Variants in MAGI2 observed in about 807,000 individuals in gnomAD.
MAGI2 encodes the protein membrane associated guanylate kinase, WW and PDZ domain containing 2, also known as membrane-associated guanylate kinase, WW and PDZ domain-containing protein 2.
In MAGI2, 35 loss-of-function variants were observed where a neutral mutation model predicts 133.3. That is an observed-to-expected ratio of 0.26 (90% CI 0.20 to 0.35). The LOEUF (loss-of-function observed/expected upper bound fraction) is 0.35. MAGI2 is among the 10% of genes least tolerant of loss of function. The probability of loss-of-function intolerance (pLI) is 1.00; values close to 1 mark genes in which losing one functional copy is unlikely to be tolerated. For missense variants in MAGI2, 1,636 were observed against 1,863.4 expected, an observed-to-expected ratio of 0.88 and a Z score of 2.25; for synonymous variants, 729 against 710.6, an observed-to-expected ratio of 1.03 and a Z score of -0.41.
chr7:78,425,861 C>T (rs557100378), intron 6 of MAGI2, among the ~76,000 whole-genome samples: 1 of 152,246 alleles, frequency 6.6e-6, no homozygotes, highest in African/African-American at 2.4e-5. Context: ...CTGACAGGGT[C>T]AATAATCTGC....
chr7:79,411,271 G>A (rs7795675), intron 1 of MAGI2: 2 of 152,088 alleles, frequency 1.3e-5, no homozygotes, highest in African/African-American at 2.4e-5. Flanking sequence ...CGTAATTAGG[G>A]TACAAAGAAG....
intron 10 of MAGI2, among the ~76,000 whole-genome samples, chr7:78,207,625 T>A (rs1054889746): frequency 3.3e-5 from 5 of 152,198 alleles, no homozygotes; most frequent in African/African-American, 1.2e-4. Flanking sequence ...TAAAATTCAT[T>A]AAATGGGTTA....
chr7:79,416,214 T>C (rs1846499286), intron 1 of MAGI2, among the ~76,000 whole-genome samples: 1 of 152,126 alleles, frequency 6.6e-6, no homozygotes, highest in Admixed American at 6.6e-5. Flanking sequence ...CACTGTCTAC[T>C]GCATTCCCAG....
At chr7:78,129,263 C>T (rs1335639788) in intron 18 of MAGI2, among the ~76,000 whole-genome samples, 1 of 152,176 alleles carries the variant, frequency 6.6e-6, no homozygotes, top group Non-Finnish European at 1.5e-5. Context: ...CTATATTCTA[C>T]CCAGTGTCGT....
chr7:78,736,864 ATC>A (rs1181744183), intron 2 of MAGI2, among the ~76,000 whole-genome samples: 1 of 152,224 alleles, frequency 6.6e-6, no homozygotes, highest in African/African-American at 2.4e-5. Context: ...TTGATTATAT[ATC>A]TTTTTAATAT....
chr7:78,367,268 A>G (rs573288359), intron 7 of MAGI2, among the ~76,000 whole-genome samples: 1 of 152,328 alleles, frequency 6.6e-6, no homozygotes, highest in South Asian at 2.1e-4. Flanking sequence ...GGGATGAAGC[A>G]TAGCTTTCTG....
intron 1 of MAGI2, among the ~76,000 whole-genome samples, chr7:79,094,390 A>AT (rs1480171573): frequency 6.6e-6 from 1 of 152,152 alleles, no homozygotes; most frequent in Non-Finnish European, 1.5e-5. Flanking sequence ...ATTTGCAGTT[A>AT]TTTATTTCAC....
At chr7:79,409,434 T>C (rs901665195) in intron 1 of MAGI2, among the ~76,000 whole-genome samples, 2 of 151,738 alleles carry the variant, frequency 1.3e-5, no homozygotes, top group Middle Eastern at 3.2e-3. Flanking sequence ...TGGCTTAAAA[T>C]ACCTTTTTTG....
chr7:78,924,662 T>C (rs1485416817), intron 2 of MAGI2, among the ~76,000 whole-genome samples: 2 of 152,036 alleles, frequency 1.3e-5, no homozygotes, highest in Non-Finnish European at 1.5e-5. Context: ...CTCTCTTTTT[T>C]GGTTGTGTCT....
intron 20 of MAGI2, among the ~76,000 whole-genome samples, chr7:78,108,723 T>A (rs1002035376): frequency 6.5e-5 from 8 of 123,944 alleles, no homozygotes; most frequent in East Asian, 2.1e-4. Flanking sequence ...TATATATGTG[T>A]GTGTATACAC....
At chr7:78,968,433 T>A (rs918981958) in intron 2 of MAGI2, among the ~76,000 whole-genome samples, 27 of 152,030 alleles carry the variant, frequency 1.8e-4, no homozygotes, top group African/African-American at 6.5e-4. Flanking sequence ...ATCAGTTTTT[T>A]TTTTTTGGTC....
intron 2 of MAGI2, among the ~76,000 whole-genome samples, chr7:78,998,856 A>AT (rs925326127): frequency 1.3e-5 from 2 of 151,948 alleles, no homozygotes; most frequent in Admixed American, 6.6e-5. Flanking sequence ...ATGGAATCCT[A>AT]TTTTTTTCTA....
At chr7:78,458,789 C>T (rs1002975598) in intron 6 of MAGI2, among the ~76,000 whole-genome samples, 1 of 152,074 alleles carries the variant, frequency 6.6e-6, no homozygotes, top group Admixed American at 6.6e-5. Flanking sequence ...CGCCCACCAC[C>T]ACGCCTGGCT....
chr7:79,028,416 A>T (rs1016875100), intron 1 of MAGI2, among the ~76,000 whole-genome samples: 2 of 150,282 alleles, frequency 1.3e-5, no homozygotes, highest in African/African-American at 4.9e-5. Flanking sequence ...ATAATTTCAC[A>T]TTTTGGGATG....
chr7:78,980,041 T>A (rs1204467423), intron 2 of MAGI2, among the ~76,000 whole-genome samples: 1 of 151,852 alleles, frequency 6.6e-6, no homozygotes, highest in Non-Finnish European at 1.5e-5. Flanking sequence ...TTCATACCCA[T>A]GAGAGGAAAT....
At chr7:78,367,298 C>T (rs1793479771) in intron 7 of MAGI2, among the ~76,000 whole-genome samples, 1 of 152,134 alleles carries the variant, frequency 6.6e-6, no homozygotes, top group African/African-American at 2.4e-5. Context: ...TGTCTTGCCT[C>T]TCTGTTAGAT....
Position 78,501,784 on chromosome 7 carries a change from G to C in MAGI2, c.758C>G (p.Ser253Cys). Residue 253 changes from serine (S) to cysteine (C), a missense_variant, in exon 5 of 22, where the codon TCC becomes TGC. Physicochemically the swap from Ser to Cys is moderately radical, Grantham distance 112. Transcript: ENST00000354212. ...TGCACTTTTGTCTTCATGTTCACTG[G>C]ATTCTATAAGAGAACAAGAGCACGT... ...NGNGVVVTPE[S>C]SEHEDKSAGA... 6.2e-7 allele frequency: 1 copy of C among 1,612,282 alleles called. No individual in the cohort carries two copies. Among genetic ancestry groups the C allele is most frequent in the Non-Finnish European group, 8.5e-7 (1 of 1,179,140 alleles).
intron 1 of MAGI2, among the ~76,000 whole-genome samples, chr7:79,295,064 G>A (rs191376999): frequency 1.5e-3 from 233 of 152,162 alleles, no homozygotes; most frequent in African/African-American, 5.4e-3. Context: ...TTTAGTGGTT[G>A]AAATTAATGA....
At chr7:78,383,401 G>T (rs1038180642) in intron 6 of MAGI2, among the ~76,000 whole-genome samples, 23 of 151,970 alleles carry the variant, frequency 1.5e-4, no homozygotes, top group African/African-American at 5.1e-4. Flanking sequence ...GTTAGTGTTT[G>T]TATGTCTTCT....
Sources: gnomAD v4.1 joint callset for allele counts (sites outside exome capture counted in the v4.1 genomes callset) on GRCh38, gnomAD v4.1.1 for gene constraint, MANE v1.5 for transcripts, NCBI Gene and HGNC (gene_info 2026-07-23, HGNC 2026-07-21) for gene names.